The following CC2D2B variants were observed in gnomAD, a reference collection of about 807,000 sequenced individuals.
CC2D2B encodes the protein coiled-coil and C2 domain containing 2B.
CC2D2B carries 128 observed loss-of-function variants against 161.2 expected under a neutral mutation model. That is an observed-to-expected ratio of 0.79 (90% CI 0.69 to 0.92). The LOEUF is 0.92. CC2D2B is among the 40% of genes least tolerant of loss of function. The pLI is 0.00. For synonymous variants in CC2D2B, 391 were observed against 449.8 expected, an observed-to-expected ratio of 0.87 and a Z score of 1.65; for missense variants, 1,173 against 1,375.1, an observed-to-expected ratio of 0.85 and a Z score of 2.32.
At chr10:95,953,579 A>G (rs1307332482) in intron 10 of CC2D2B, among the ~76,000 whole-genome samples, 11 of 152,132 alleles carry the variant, frequency 7.2e-5, no homozygotes, top group Non-Finnish European at 5.9e-5. Context: ...TTGCTTCCTA[A>G]GCTTCCTAAG....
At position 96,013,842 on chromosome 10, in the gene CC2D2B, G is replaced by A; in HGVS notation, c.3481G>A (p.Glu1161Lys). The change falls in exon 29 of 35, where the codon GAA becomes AAA. Residue 1161 changes from glutamate (E) to lysine (K), a missense_variant. Physicochemically the swap from Glu to Lys is moderately conservative, Grantham distance 56. This residue lies in a region of CC2D2B where 598 missense variants were observed against 693.2 expected (regional missense o/e 0.86). Transcript: ENST00000646931. ...TCCTTTTGTGCCTAATACACCAGAT[G>A]AAAATGATGGCTCTGATATATGGAT... is the stretch of plus-strand genomic sequence containing the variant. ...LIPFVPNTPDENDGSDIWMTS... is the reference protein window; with the variant it reads ...LIPFVPNTPDKNDGSDIWMTS... The A allele has an allele frequency of 1.3e-6, 2 of 1,598,394 alleles. No individual in the cohort carries two copies. Among genetic ancestry groups the A allele is most frequent in the Non-Finnish European group, 1.7e-6 (2 of 1,171,134 alleles).
At chr10:96,014,275 CTTAGA>C (rs1489970250) in intron 29 of CC2D2B, among the ~76,000 whole-genome samples, 1 of 152,170 alleles carries the variant, frequency 6.6e-6, no homozygotes, top group Admixed American at 6.6e-5. Flanking sequence ...TTCCTTAGCA[CTTAGA>C]TTAAAGTCCT....
At chr10:96,006,462 T>G (rs1317762930) in intron 25 of CC2D2B, among the ~76,000 whole-genome samples, 1 of 151,912 alleles carries the variant, frequency 6.6e-6, no homozygotes, top group Non-Finnish European at 1.5e-5. Context: ...TTGAAAGGCT[T>G]TTGTGTAAAC....
At chr10:95,986,117 T>C (rs921782915) in intron 19 of CC2D2B, among the ~76,000 whole-genome samples, 2 of 151,680 alleles carry the variant, frequency 1.3e-5, no homozygotes, top group African/African-American at 4.8e-5. Flanking sequence ...TTGTGAAGCA[T>C]GTGACCTCTG....
At chr10:95,975,419 G>A (rs1375645188) in intron 17 of CC2D2B, among the ~76,000 whole-genome samples, 1 of 151,952 alleles carries the variant, frequency 6.6e-6, no homozygotes, top group Non-Finnish European at 1.5e-5. Flanking sequence ...ACATAGTGGG[G>A]GTAGTTTACT....
intron 34 of CC2D2B, among the ~76,000 whole-genome samples, chr10:96,031,387 A>C (rs1393305573): frequency 1.3e-5 from 2 of 152,236 alleles, no homozygotes; most frequent in Non-Finnish European, 2.9e-5. Flanking sequence ...CCATGGGACC[A>C]TGTTCCACAA....
At chr10:95,931,233 C>T (rs545425634) in intron 6 of CC2D2B, among the ~76,000 whole-genome samples, 2 of 152,092 alleles carry the variant, frequency 1.3e-5, no homozygotes, top group Admixed American at 1.3e-4. Flanking sequence ...GTGGTGACAT[C>T]CCCTTTATCG....
At chr10:95,972,246 CT>C in intron 16 of CC2D2B, 30 bp downstream of exon 16, 1 of 1,224,612 alleles carries the variant, frequency 8.2e-7, no homozygotes, top group Non-Finnish European at 1.0e-6. Context: ...TACATTCCCC[CT>C]ATTTTCTTCC....
chr10:96,029,241 CATATATATATATATATAT>C (rs56195141), intron 34 of CC2D2B, among the ~76,000 whole-genome samples: 2,124 of 67,156 alleles, frequency 0.032, 56 homozygotes, highest in African/African-American at 0.058. Context: ...TTTCATGTAC[CATATATATATATATATAT>C]ATATATATAT....
At chr10:95,989,376 G>A (rs530595396) in intron 20 of CC2D2B, among the ~76,000 whole-genome samples, 3 of 152,344 alleles carry the variant, frequency 2.0e-5, no homozygotes, top group South Asian at 2.1e-4. Context: ...CCATGACTGT[G>A]AGATGGAATG....
At chr10:95,911,655 ATGTT>A (rs1439851145) in intron 2 of CC2D2B, among the ~76,000 whole-genome samples, 2 of 152,168 alleles carry the variant, frequency 1.3e-5, no homozygotes, top group African/African-American at 2.4e-5. Context: ...GTTAAAAAAG[ATGTT>A]TGTCAGTGAG....
chr10:95,976,653 G>T (rs1435498422), intron 17 of CC2D2B, among the ~76,000 whole-genome samples: 4 of 152,182 alleles, frequency 2.6e-5, no homozygotes, highest in Non-Finnish European at 4.4e-5. Context: ...GAACTGAAAG[G>T]CAGTTTTGTT....
At chr10:96,004,979 T>G (rs2078682433) in intron 25 of CC2D2B, among the ~76,000 whole-genome samples, 1 of 152,206 alleles carries the variant, frequency 6.6e-6, no homozygotes, top group East Asian at 1.9e-4. Context: ...TAAAAACCAC[T>G]GCAAATCATA....
rs2098506373 is a variant in CC2D2B at position 95,911,532 on chromosome 10, T to C, written c.36+173T>C. Among the ~76,000 whole-genome samples the C allele has an allele frequency of 2.0e-5, 3 of 152,206 alleles. 1 individual carries two copies. The South Asian group carries it at 6.2e-4, about 31-fold the overall frequency. ...GGATGAATTGTATTCTTATTTGGTC[T>C]GTAAGTTATTTAATAAGATGAATTA... On this transcript the variant is annotated intron_variant, in intron 2 of 34. Transcript: ENST00000646931.
intron 21 of CC2D2B, among the ~76,000 whole-genome samples, chr10:95,991,666 T>C (rs954843050): frequency 6.6e-6 from 1 of 152,230 alleles, no homozygotes; most frequent in African/African-American, 2.4e-5. Flanking sequence ...TTCAATTATA[T>C]AGTATTTGGG....
Position 95,968,705 on chromosome 10 carries a change from A to T in CC2D2B, c.1467-19A>T. ...GTTGTACTTTTTAAGGGTGATTTAAAGGTTTGTTTAATTTTTAGGCATGAA... is the reference window on the plus strand; with the variant it reads ...GTTGTACTTTTTAAGGGTGATTTAATGGTTTGTTTAATTTTTAGGCATGAA... On this transcript the variant is annotated intron_variant, in intron 14 of 34. Coordinates refer to ENST00000646931, the MANE Select transcript of CC2D2B (RefSeq NM_001349008.3). 1 of 1,087,586 alleles carries T rather than the reference A, an allele frequency of 9.2e-7. No homozygotes were observed. Among genetic ancestry groups the T allele is most frequent in the Non-Finnish European group, 1.2e-6 (1 of 856,538 alleles). The allele number at this position is 1,087,586 out of a possible 1,614,324, so 67.4% of individuals were successfully genotyped here. A position where few individuals can be genotyped will look rare whatever the true frequency, so the allele number is the denominator to read the frequency against.
chr10:95,929,397 T>A (rs1477753973), intron 6 of CC2D2B, among the ~76,000 whole-genome samples: 1 of 152,220 alleles, frequency 6.6e-6, no homozygotes, highest in Non-Finnish European at 1.5e-5. Flanking sequence ...CTCTTTAGTT[T>A]AATTAGATCC....
At chr10:95,945,536 C>T (rs1305116175) in intron 9 of CC2D2B, among the ~76,000 whole-genome samples, 2 of 152,148 alleles carry the variant, frequency 1.3e-5, no homozygotes, top group Admixed American at 6.5e-5. Flanking sequence ...ATGACCTTCC[C>T]TCTGCTCCCA....
At chr10:95,993,904 G>GAA (rs2078081319) in intron 22 of CC2D2B, among the ~76,000 whole-genome samples, 2 of 2,568 alleles carry the variant, frequency 7.8e-4, no homozygotes, top group African/African-American at 4.3e-3. Context: ...GAGAGAATGT[G>GAA]TGTGTGTGTG....
Sources: allele counts gnomAD v4.1 joint callset (sites outside exome capture counted in the v4.1 genomes callset), GRCh38; gene constraint gnomAD v4.1.1; regional missense constraint gnomAD v4.1.1; transcripts MANE v1.5; gene names NCBI Gene and HGNC (gene_info 2026-07-23, HGNC 2026-07-21).